Variants in SRRM4 observed in about 807,000 individuals in gnomAD.
SRRM4 encodes the protein serine/arginine repetitive matrix 4, also known as serine/arginine repetitive matrix protein 4.
A neutral mutation model predicts 68.9 loss-of-function variants in SRRM4; 33 were observed. That is an observed-to-expected ratio of 0.48 (90% CI 0.36 to 0.64). The LOEUF is 0.64. Ranked by LOEUF, SRRM4 falls within the 30% of genes least tolerant of loss-of-function variation. The probability of loss-of-function intolerance (pLI) is 0.00; values close to 1 mark genes in which losing one functional copy is unlikely to be tolerated. For missense variants in SRRM4, 817 were observed against 827.1 expected (o/e 0.99, Z 0.15); for synonymous variants, 318 against 318.8 (o/e 1.00, Z 0.03).
rs903675915 is a variant in SRRM4 at position 119,158,146 on chromosome 12, G to A, written c.*1348G>A. ...TTCATCCACAGAAGGCGCTAAGAAC[G>A]GGGAGGTGAGGAATAAGATCCTTAA... On this transcript the variant is annotated 3_prime_UTR_variant, in exon 13 of 13. Coordinates refer to ENST00000267260, the MANE Select transcript of SRRM4 (RefSeq NM_194286.4). 1 of 152,740 alleles carries A rather than the reference G, an allele frequency of 6.5e-6. No homozygotes were observed. The highest frequency in any genetic ancestry group is 1.5e-5 in the Non-Finnish European group (1 of 68,120). 9.5% of individuals were successfully genotyped at this position (152,740 alleles called of 1,614,324 possible).
intron 1 of SRRM4, among the ~76,000 whole-genome samples, chr12:118,987,749 T>C (rs941365450): frequency 5.3e-5 from 8 of 152,188 alleles, no homozygotes; most frequent in Non-Finnish European, 1.2e-4. Flanking sequence ...CTATTAATAA[T>C]AAATGATAGG....
chr12:119,153,417 T>C (rs2136069783), intron 10 of SRRM4, 122 bp from the exon 11 acceptor site: 1 of 639,888 alleles, frequency 1.6e-6, no homozygotes, highest in Non-Finnish European at 2.8e-6. Context: ...CCAGTTCCTC[T>C]GCCTGGCTTC....
chr12:119,108,320 G>A (rs1326578591), intron 2 of SRRM4, among the ~76,000 whole-genome samples: 1 of 152,206 alleles, frequency 6.6e-6, no homozygotes, highest in Non-Finnish European at 1.5e-5. Context: ...TTCTGTAGAT[G>A]TCTATTAGGT....
intron 3 of SRRM4, among the ~76,000 whole-genome samples, chr12:119,116,673 A>G (rs781522852): frequency 6.6e-6 from 1 of 152,222 alleles, no homozygotes; most frequent in Non-Finnish European, 1.5e-5. Flanking sequence ...GTGTGAAAGG[A>G]TTGAATGAGA....
chr12:119,055,560 G>A (rs1191917331), intron 1 of SRRM4, among the ~76,000 whole-genome samples: 1 of 152,164 alleles, frequency 6.6e-6, no homozygotes, highest in Non-Finnish European at 1.5e-5. Context: ...ATTTGGTATG[G>A]ACTCAATAGC....
Position 119,157,085 on chromosome 12 carries a change from T to A in SRRM4, c.*287T>A. On this transcript the variant is annotated 3_prime_UTR_variant, in exon 13 of 13. Coordinates refer to ENST00000267260, the MANE Select transcript of SRRM4 (RefSeq NM_194286.4). This position sits in a 1 kb window ranked among gnomAD's most constrained non-coding sequence, Gnocchi z 4.1. ...AGAAAGAAAAGAAAACTTCAAGGTTTTGTGAGAAGCAATGGGTCTGTGACT... is the reference window on the plus strand; with the variant it reads ...AGAAAGAAAAGAAAACTTCAAGGTTATGTGAGAAGCAATGGGTCTGTGACT... The A allele has an allele frequency of 4.7e-6, 2 of 421,508 alleles. No individual in the cohort carries two copies. The highest frequency in any genetic ancestry group is 8.3e-6 in the Non-Finnish European group (2 of 240,950). The allele number at this position is 421,508 out of a possible 1,614,324, so 26.1% of individuals were successfully genotyped here.
At chr12:119,041,431 T>C (rs1479064541) in intron 1 of SRRM4, among the ~76,000 whole-genome samples, 1 of 152,240 alleles carries the variant, frequency 6.6e-6, no homozygotes, top group Non-Finnish European at 1.5e-5. Context: ...AGTAGGAAAG[T>C]ACTTTTCACA....
chr12:119,019,419 G>A (rs1953500554), intron 1 of SRRM4, among the ~76,000 whole-genome samples: 1 of 152,036 alleles, frequency 6.6e-6, no homozygotes, highest in African/African-American at 2.4e-5. Context: ...GGGGATTTTA[G>A]TAACTCCCTG....
chr12:119,125,305 A>G (rs1252942842), intron 6 of SRRM4, 76 bp from the exon 7 acceptor site: 3 of 1,368,540 alleles, frequency 2.2e-6, no homozygotes, highest in Admixed American at 3.6e-5. Flanking sequence ...CGGGTGTCAC[A>G]AGATCAAATC....
chr12:119,058,447 A>G (rs1953790552), intron 1 of SRRM4, among the ~76,000 whole-genome samples: 1 of 152,184 alleles, frequency 6.6e-6, no homozygotes, highest in Non-Finnish European at 1.5e-5. Flanking sequence ...AGAAAGGTAG[A>G]CTGAGGCTTG....
At chr12:119,080,757 C>A (rs566777074) in intron 1 of SRRM4, among the ~76,000 whole-genome samples, 1 of 152,332 alleles carries the variant, frequency 6.6e-6, no homozygotes, top group African/African-American at 2.4e-5. Flanking sequence ...CGAGAGCAGG[C>A]AACAGCTTCA....
intron 1 of SRRM4, among the ~76,000 whole-genome samples, chr12:119,067,829 C>T (rs1260419285): frequency 6.6e-6 from 1 of 152,202 alleles, no homozygotes; most frequent in Non-Finnish European, 1.5e-5. Flanking sequence ...TCTGTCTGAA[C>T]CTCAGTTTCC....
intron 1 of SRRM4, among the ~76,000 whole-genome samples, chr12:119,089,840 A>G (rs1469734413): frequency 1.3e-5 from 2 of 152,186 alleles, no homozygotes; most frequent in East Asian, 3.8e-4. Context: ...CATCATCATC[A>G]AACATATATT....
At chr12:119,061,432 A>C (rs1240514458) in intron 1 of SRRM4, among the ~76,000 whole-genome samples, 1 of 152,182 alleles carries the variant, frequency 6.6e-6, no homozygotes, top group African/African-American at 2.4e-5. Context: ...CACTGATTAA[A>C]TAACAGGCTG....
chr12:119,029,999 A>T (rs1015607027), intron 1 of SRRM4, among the ~76,000 whole-genome samples: 4 of 152,186 alleles, frequency 2.6e-5, no homozygotes, highest in Non-Finnish European at 5.9e-5. Context: ...TGAGAGAGAA[A>T]ATCCATCAGC....
intron 1 of SRRM4, among the ~76,000 whole-genome samples, chr12:119,048,213 C>T (rs1204872046): frequency 6.6e-6 from 1 of 152,178 alleles, no homozygotes; most frequent in South Asian, 2.1e-4. Flanking sequence ...ATGCAGCTTG[C>T]CCCAGACCGC....
intron 1 of SRRM4, among the ~76,000 whole-genome samples, chr12:119,003,295 A>G (rs991971820): frequency 6.6e-6 from 1 of 151,558 alleles, no homozygotes; most frequent in African/African-American, 2.4e-5. Flanking sequence ...GCGTCATCCA[A>G]TCTAAGACCC....
In SRRM4 at chr12:119,130,669, C is replaced by T. The variant is rs775404365; in HGVS notation, c.615-9C>T. 19 of 1,607,580 alleles carry T rather than the reference C, an allele frequency of 1.2e-5. No individual in the cohort carries two copies. The highest frequency in any genetic ancestry group is 1.2e-4 in the Admixed American group (7 of 59,516). ...AAAAGACCCTCAGGTCTCTCTCCCC[C>T]ATCCCCAGGCACCGCGGCCGGTCCC... is the stretch of plus-strand genomic sequence containing the variant. On this transcript the variant is annotated splice_polypyrimidine_tract_variant and intron_variant, in intron 7 of 12. Transcript: ENST00000267260.
chr12:118,991,896 G>A (rs1953319036), intron 1 of SRRM4: 2 of 152,168 alleles, frequency 1.3e-5, no homozygotes, highest in African/African-American at 4.8e-5. Flanking sequence ...AAAACTCAGA[G>A]ATCTACAGAG....
Sources: gnomAD v4.1 joint callset for allele counts (sites outside exome capture counted in the v4.1 genomes callset) on GRCh38, gnomAD v4.1.1 for gene constraint, Gnocchi (gnomAD v3.1) non-coding constraint, MANE v1.5 for transcripts, NCBI Gene and HGNC (gene_info 2026-07-23, HGNC 2026-07-21) for gene names.